Variants in NKAIN3 observed in about 807,000 individuals in gnomAD.
NKAIN3 encodes the protein sodium/potassium-transporting ATPase subunit beta-1-interacting protein 3.
A neutral mutation model predicts 30.2 loss-of-function variants in NKAIN3; 25 were observed. The observed-to-expected ratio is 0.83, with a 90% CI of 0.60 to 1.16. The LOEUF is 1.16. NKAIN3 is among the 50% of genes most tolerant of loss of function. The pLI is 0.00. For missense variants in NKAIN3, 225 were observed against 254.1 expected, an observed-to-expected ratio of 0.89 and a Z score of 0.78; for synonymous variants, 91 against 89.6, an observed-to-expected ratio of 1.02 and a Z score of -0.09.
Position 62,621,661 on chromosome 8 carries a change from A to G in NKAIN3, c.273+31867A>G, listed in dbSNP as rs4366076. On this transcript the variant is annotated intron_variant, in intron 3 of 6. Transcript: ENST00000623646. Reference sequence around the variant, plus strand: ...GTAAATTCACATGCAGTTGCATGAAATAATACAGAAGATCTTGTGTACCCT... The same window carrying G: ...GTAAATTCACATGCAGTTGCATGAAGTAATACAGAAGATCTTGTGTACCCT... 3.3e-5 allele frequency among the ~76,000 whole-genome samples: 5 copies of G among 152,130 alleles called. No homozygotes were observed. In the East Asian group the frequency reaches 5.8e-4, roughly 18 times the overall value.
chr8:62,601,238 G>A (rs1440716123), intron 3 of NKAIN3, among the ~76,000 whole-genome samples: 2 of 151,882 alleles, frequency 1.3e-5, no homozygotes, highest in Non-Finnish European at 2.9e-5. Context: ...ATCTAGTAAA[G>A]TTTTTAAGTC....
At chr8:62,957,720 G>A (rs931905704) in intron 6 of NKAIN3, among the ~76,000 whole-genome samples, 2 of 152,130 alleles carry the variant, frequency 1.3e-5, no homozygotes, top group African/African-American at 2.4e-5. Context: ...GGGGAGACAC[G>A]AATAGGCAAA....
chr8:62,471,841 G>C (rs1744513450), intron 1 of NKAIN3, among the ~76,000 whole-genome samples: 1 of 152,078 alleles, frequency 6.6e-6, no homozygotes, highest in Non-Finnish European at 1.5e-5. Flanking sequence ...CAGGTACTCA[G>C]AAGGCTGAGA....
chr8:62,793,143 G>A (rs949295089), intron 4 of NKAIN3, among the ~76,000 whole-genome samples: 1 of 151,790 alleles, frequency 6.6e-6, no homozygotes, highest in Admixed American at 6.6e-5. Context: ...ACATCCGCTT[G>A]TGAGAAAAAG....
intron 3 of NKAIN3, among the ~76,000 whole-genome samples, chr8:62,625,611 G>A (rs1811765405): frequency 6.6e-6 from 1 of 152,086 alleles, no homozygotes; most frequent in South Asian, 2.1e-4. Context: ...TGCCTCATCA[G>A]GTTGTGATAA....
intron 1 of NKAIN3, among the ~76,000 whole-genome samples, chr8:62,436,691 A>G (rs1738247257): frequency 1.3e-5 from 2 of 152,180 alleles, no homozygotes; most frequent in Non-Finnish European, 2.9e-5. Context: ...TTATTTGATG[A>G]CAATTTTTTA....
intron 1 of NKAIN3, among the ~76,000 whole-genome samples, chr8:62,438,558 T>G (rs1805236255): frequency 6.6e-6 from 1 of 152,066 alleles, no homozygotes; most frequent in South Asian, 2.1e-4. Context: ...GTGTCATGAA[T>G]AGCCACTATT....
chr8:62,756,304 C>G (rs976076010), intron 4 of NKAIN3, among the ~76,000 whole-genome samples: 1 of 152,104 alleles, frequency 6.6e-6, no homozygotes, highest in Non-Finnish European at 1.5e-5. Flanking sequence ...TATAGACTTG[C>G]CTCTACTGGA....
chr8:62,334,450 C>T (rs1426836614), intron 1 of NKAIN3, among the ~76,000 whole-genome samples: 2 of 152,032 alleles, frequency 1.3e-5, no homozygotes, highest in Non-Finnish European at 2.9e-5. Context: ...ATAAGGACAC[C>T]AGTCCTTGCA....
At chr8:62,660,285 A>T (rs1343596327) in intron 3 of NKAIN3, among the ~76,000 whole-genome samples, 1 of 152,224 alleles carries the variant, frequency 6.6e-6, no homozygotes, top group Non-Finnish European at 1.5e-5. Context: ...TCTTTTGGTC[A>T]TACCTTACAA....
intron 4 of NKAIN3, among the ~76,000 whole-genome samples, chr8:62,833,232 A>G (rs916546441): frequency 6.6e-6 from 1 of 152,084 alleles, no homozygotes; most frequent in Admixed American, 6.6e-5. Flanking sequence ...ACCTACATCA[A>G]GAAGTTAGAA....
At chr8:62,353,867 A>G (rs1444334574) in intron 1 of NKAIN3, among the ~76,000 whole-genome samples, 2 of 152,204 alleles carry the variant, frequency 1.3e-5, no homozygotes, top group Non-Finnish European at 2.9e-5. Flanking sequence ...AAATTGATTT[A>G]AGATTTCACA....
chr8:62,856,585 T>C (rs1167569204), intron 4 of NKAIN3: 1 of 782,938 alleles, frequency 1.3e-6, no homozygotes, highest in Non-Finnish European at 2.3e-6. Flanking sequence ...TCTTCATTGG[T>C]GAACAGCATG....
chr8:62,445,902 G>A (rs2129598537), intron 1 of NKAIN3, among the ~76,000 whole-genome samples: 1 of 152,224 alleles, frequency 6.6e-6, no homozygotes, highest in South Asian at 2.1e-4. Context: ...CAGGCATATA[G>A]AGATTATGTT....
chr8:62,359,683 C>G (rs151145408), intron 1 of NKAIN3, among the ~76,000 whole-genome samples: 106 of 152,302 alleles, frequency 7.0e-4, no homozygotes, highest in Middle Eastern at 3.4e-3. Flanking sequence ...TTGTTGGAAG[C>G]CAGAGTAATA....
chr8:62,700,614 C>T (rs987768390), intron 3 of NKAIN3, among the ~76,000 whole-genome samples: 1 of 152,086 alleles, frequency 6.6e-6, no homozygotes, highest in African/African-American at 2.4e-5. Flanking sequence ...TAATCATCAC[C>T]TTTGGCAAAG....
intron 1 of NKAIN3, among the ~76,000 whole-genome samples, chr8:62,472,721 T>C (rs545770234): frequency 6.6e-6 from 1 of 152,184 alleles, no homozygotes; most frequent in Non-Finnish European, 1.5e-5. Flanking sequence ...TGCAAATGAA[T>C]GAAGAAGGAA....
chr8:62,871,569 C>T (rs982515193), intron 4 of NKAIN3, among the ~76,000 whole-genome samples: 1 of 152,176 alleles, frequency 6.6e-6, no homozygotes, highest in Non-Finnish European at 1.5e-5. Context: ...CATTAGGTCT[C>T]CAGAACTTAT....
intron 4 of NKAIN3, among the ~76,000 whole-genome samples, chr8:62,867,306 G>A (rs916287875): frequency 3.3e-5 from 5 of 151,984 alleles, no homozygotes; most frequent in African/African-American, 9.7e-5. Flanking sequence ...TCTTCTTTAC[G>A]AATTGAAAAA....
Sources: gnomAD v4.1 joint callset for allele counts (sites outside exome capture counted in the v4.1 genomes callset) on GRCh38, gnomAD v4.1.1 for gene constraint, MANE v1.5 for transcripts, NCBI Gene and HGNC (gene_info 2026-07-23, HGNC 2026-07-21) for gene names.